UFD1: variants seen among roughly 807,000 people sequenced by gnomAD.
UFD1 encodes the protein ubiquitin recognition factor in ER-associated degradation protein 1.
In UFD1, 13 loss-of-function variants were observed where a neutral mutation model predicts 45.9. The ratio of observed to expected loss-of-function variants is 0.28; its 90% CI spans 0.18 to 0.45. The LOEUF (loss-of-function observed/expected upper bound fraction) is 0.45, where lower values mean the gene tolerates loss of function less well. Among genes scored for constraint, UFD1 ranks in the 20% least tolerant of loss-of-function variants. The pLI, the probability that UFD1 is intolerant of heterozygous loss-of-function variation, is 1.00. For synonymous variants in UFD1, 128 were observed against 139.2 expected (o/e 0.92, Z 0.56); for missense variants, 218 against 389.2 (o/e 0.56, Z 3.70).
At chr22:19,453,146 A>C in intron 11 of UFD1, 1 of 985,240 alleles carries the variant, frequency 1.0e-6, no homozygotes. Flanking sequence ...TGGGGGAGGG[A>C]GGGTAATGCA....
At chr22:19,469,766 C>T (rs1601899155) in intron 4 of UFD1, among the ~76,000 whole-genome samples, 1 of 152,312 alleles carries the variant, frequency 6.6e-6, no homozygotes. Flanking sequence ...CTGCCCATGC[C>T]AGGAGCTGGA....
intron 4 of UFD1, chr22:19,470,078 C>T (rs749704437): frequency 1.6e-5 from 8 of 505,574 alleles, no homozygotes; most frequent in South Asian, 7.2e-5. Context: ...GGTGTTCTAC[C>T]GGATGAGCAC....
rs35629488 is a variant in UFD1 at position 19,459,735 on chromosome 22, CTT to C, written c.496-1598_496-1597del. The stretch of plus-strand genomic sequence containing the variant: ...TTGCTTTTATCTAAAGTCTGTCTTG[CTT>C]TTTTTTTTTTTTTTTTTTCGAGATG... On this transcript the variant is annotated intron_variant, in intron 6 of 11. Transcript: ENST00000263202. Among the ~76,000 whole-genome samples, 796 of 88,954 alleles carry C rather than the reference CTT, an allele frequency of 8.9e-3. 3 individuals are homozygous for C. The highest frequency in any genetic ancestry group is 0.051 in the Middle Eastern group (7 of 138). 58.4% of individuals were successfully genotyped at this position (88,954 alleles called of 152,430 possible).
chr22:19,478,869 T>C lies in UFD1; in HGVS notation c.3+214A>G, dbSNP rs1052010411. On this transcript the variant is annotated intron_variant, in intron 1 of 11. Coordinates refer to ENST00000263202, the MANE Select transcript of UFD1 (RefSeq NM_005659.7). ...GAGGGCAAGTCCGGCTGAGACAGAATGCGAGCCACGTTCAGGACCGGCGGA... is the reference window on the plus strand; with the variant it reads ...GAGGGCAAGTCCGGCTGAGACAGAACGCGAGCCACGTTCAGGACCGGCGGA... The C allele has an allele frequency of 3.4e-4, 202 of 588,206 alleles. 1 individual carries two copies. Among genetic ancestry groups the C allele is most frequent in the Non-Finnish European group, 6.0e-5 (21 of 352,920 alleles). 36.4% of individuals were successfully genotyped at this position (588,206 alleles called of 1,614,324 possible). A position where few individuals can be genotyped will look rare whatever the true frequency, so the allele number is the denominator to read the frequency against.
At chr22:19,451,177 C>T (rs2089679790) in intron 11 of UFD1, 4 of 985,906 alleles carry the variant, frequency 4.1e-6, no homozygotes, top group South Asian at 4.7e-5. Flanking sequence ...CATTTCAGGT[C>T]ACTTTTCTGT....
intron 3 of UFD1, among the ~76,000 whole-genome samples, chr22:19,472,381 G>A (rs1413431447): frequency 6.6e-6 from 1 of 152,202 alleles, no homozygotes; most frequent in Non-Finnish European, 1.5e-5. Context: ...ACAGGTGTGC[G>A]AGTGGTTGGG....
At chr22:19,458,820 T>C (rs1601890034) in intron 6 of UFD1, among the ~76,000 whole-genome samples, 1 of 152,210 alleles carries the variant, frequency 6.6e-6, no homozygotes, top group Non-Finnish European at 1.5e-5. Context: ...ACGTCACTAA[T>C]ACCACTGTAC....
chr22:19,464,870 A>G (rs1443816088), intron 6 of UFD1, among the ~76,000 whole-genome samples: 1 of 152,270 alleles, frequency 6.6e-6, no homozygotes, highest in Non-Finnish European at 1.5e-5. Context: ...TTGTGTCTCC[A>G]CAGCCCTGCA....
At chr22:19,462,133 G>A (rs1170096255) in intron 6 of UFD1, among the ~76,000 whole-genome samples, 1 of 151,998 alleles carries the variant, frequency 6.6e-6, no homozygotes, top group Non-Finnish European at 1.5e-5. Flanking sequence ...CCAGGTAGCT[G>A]GGACTACAGG....
At chr22:19,454,990 T>C (rs1209126420) in intron 10 of UFD1, among the ~76,000 whole-genome samples, 160 bp from the exon 11 acceptor site, 1 of 152,152 alleles carries the variant, frequency 6.6e-6, no homozygotes, top group Non-Finnish European at 1.5e-5. Flanking sequence ...AGAAAGTAAC[T>C]GACTTCTTGG....
chr22:19,452,423 G>C (rs2089690068), intron 11 of UFD1: 1 of 152,178 alleles, frequency 6.6e-6, no homozygotes, highest in South Asian at 2.1e-4. Context: ...ACACAATCCA[G>C]CTCATAAGAG....
intron 6 of UFD1, 84 bp from the exon 7 acceptor site, chr22:19,458,223 G>T: frequency 6.9e-7 from 1 of 1,452,218 alleles, no homozygotes; most frequent in Non-Finnish European, 9.6e-7. Flanking sequence ...GGCTCTACTG[G>T]CTCCTGCGAA....
intron 1 of UFD1, among the ~76,000 whole-genome samples, chr22:19,476,883 T>A (rs1008606231): frequency 6.6e-6 from 1 of 151,392 alleles, no homozygotes; most frequent in Non-Finnish European, 1.5e-5. Flanking sequence ...GGTACACGCC[T>A]GTAATCCCAG....
intron 9 of UFD1, 34 bp from the exon 10 acceptor site, chr22:19,455,802 C>T: frequency 1.2e-6 from 2 of 1,600,164 alleles, no homozygotes; most frequent in Admixed American, 1.7e-5. Flanking sequence ...TATAATAAGC[C>T]CAAGTGTGAG....
intron 3 of UFD1, among the ~76,000 whole-genome samples, chr22:19,472,143 A>C (rs2089851073): frequency 2.4e-5 from 1 of 42,424 alleles, no homozygotes; most frequent in Non-Finnish European, 4.8e-5. Context: ...GAAACCTTCC[A>C]ACAAAGAAAA....
intron 6 of UFD1, among the ~76,000 whole-genome samples, chr22:19,462,511 C>T (rs1457118965): frequency 1.3e-5 from 2 of 151,970 alleles, no homozygotes; most frequent in African/African-American, 4.8e-5. Context: ...ACTAAAAATA[C>T]AAAAGTAGCC....
Position 19,456,812 on chromosome 22 carries a change from C to G in UFD1, c.630+41G>C. On this transcript the variant is annotated intron_variant, in intron 8 of 11. Transcript: ENST00000263202. ...GCCACTGCCAGGAACTCAAAAGCAG[C>G]ATGCAGCAGGACAGCAAAGGACACT... 4 of 1,614,104 alleles carry G rather than the reference C, an allele frequency of 2.5e-6. No homozygotes were observed. In the South Asian group the frequency reaches 3.3e-5, roughly 13 times the overall value.
At chr22:19,454,420 G>C (rs905703291) in intron 11 of UFD1, 3 of 752,924 alleles carry the variant, frequency 4.0e-6, no homozygotes, top group Non-Finnish European at 5.1e-6. Context: ...GGTCTTTTCC[G>C]TGCTGTTATC....
intron 1 of UFD1, among the ~76,000 whole-genome samples, chr22:19,476,929 C>T (rs1405971887): frequency 1.3e-5 from 2 of 150,830 alleles, no homozygotes; most frequent in African/African-American, 4.9e-5. Flanking sequence ...ATCGCTTGAA[C>T]CCAGGAGGTG....
Sources: gnomAD v4.1 joint callset for allele counts (sites outside exome capture counted in the v4.1 genomes callset) on GRCh38, gnomAD v4.1.1 for gene constraint, MANE v1.5 for transcripts, NCBI Gene and HGNC (gene_info 2026-07-23, HGNC 2026-07-21) for gene names.